TBL3: variants seen among roughly 807,000 people sequenced by gnomAD.
The protein encoded by TBL3 is transducin beta like 3.
Under a neutral mutation model 102.7 loss-of-function variants are expected in TBL3, and 71 were observed. The ratio of observed to expected loss-of-function variants is 0.69; its 90% CI spans 0.57 to 0.84. The LOEUF (loss-of-function observed/expected upper bound fraction) is 0.84, where lower values mean the gene tolerates loss of function less well. TBL3 is among the 40% of genes least tolerant of loss of function. The probability of loss-of-function intolerance (pLI) is 0.00; values close to 1 mark genes in which losing one functional copy is unlikely to be tolerated. For missense variants in TBL3, 1,188 were observed against 1,098.5 expected (o/e 1.08, Z -1.15); for synonymous variants, 578 against 477.7 (o/e 1.21, Z -2.74).
intron 16 of TBL3, 43 bp downstream of exon 16, chr16:1,977,469 G>C (rs370690725): frequency 1.2e-6 from 2 of 1,605,040 alleles, no homozygotes; most frequent in South Asian, 1.1e-5. Context: ...GGGGGGTGGC[G>C]GGGGGACCTG....
Position 1,974,036 on chromosome 16 carries a change from G to A in TBL3, c.42-20G>A, listed in dbSNP as rs376749119. 220 of 1,532,896 alleles carry A rather than the reference G, an allele frequency of 1.4e-4. No individual in the cohort carries two copies. Among genetic ancestry groups the A allele is most frequent in the Non-Finnish European group, 1.8e-4 (206 of 1,134,604 alleles). 95.0% of individuals were successfully genotyped at this position (1,532,896 alleles called of 1,614,324 possible). ...CTGAGGGGGTGGGTGGTGCTCATTCGCCTCCCGCTCTCCTTCCAGCTATGC... is the reference window on the plus strand; with the variant it reads ...CTGAGGGGGTGGGTGGTGCTCATTCACCTCCCGCTCTCCTTCCAGCTATGC... On this transcript the variant is annotated intron_variant, in intron 1 of 21. Transcript: ENST00000568546.
Position 1,977,947 on chromosome 16 carries a change from C to T in TBL3, c.1959-11C>T, listed in dbSNP as rs1237527990. The stretch of plus-strand genomic sequence containing the variant: ...AGCGGCCCTCAGTGGCCTCTCCTCC[C>T]CTCCCCACAGGCAGCAAGAGCTGGA... On this transcript the variant is annotated splice_polypyrimidine_tract_variant and intron_variant, in intron 18 of 21. Transcript: ENST00000568546. 5.7e-6 allele frequency: 9 copies of T among 1,592,210 alleles called. No individual in the cohort carries two copies. Among genetic ancestry groups the T allele is most frequent in the African/African-American group, 2.7e-5 (2 of 74,572 alleles).
chr16:1,980,563 C>G lies in TBL3; in HGVS notation c.*1878C>G, dbSNP rs745944090. Reference sequence around the variant, plus strand: ...GGTGCATCTTAAGGCACCACAAAAACGTACTGTGATACGCCGCTTTGGGCT... The same window carrying G: ...GGTGCATCTTAAGGCACCACAAAAAGGTACTGTGATACGCCGCTTTGGGCT... On this transcript the variant is annotated 3_prime_UTR_variant, in exon 22 of 22. Transcript: ENST00000568546. 4.1e-5 allele frequency: 66 copies of G among 1,598,336 alleles called. No individual in the cohort carries two copies. The highest frequency in any genetic ancestry group is 6.8e-5 in the Admixed American group (4 of 58,948).
intron 1 of TBL3, among the ~76,000 whole-genome samples, chr16:1,972,530 C>A (rs962204330): frequency 6.6e-6 from 1 of 152,120 alleles, no homozygotes; most frequent in South Asian, 2.1e-4. Context: ...TCCCGGGAGG[C>A]GGCGGGGGCG....
chr16:1,981,188 C>T lies in TBL3; in HGVS notation c.*2503C>T, dbSNP rs1450944959. The T allele has an allele frequency of 1.9e-6, 3 of 1,613,552 alleles. No homozygotes were observed. The African/African-American group carries it at 4.0e-5, about 21-fold the overall frequency. On this transcript the variant is annotated 3_prime_UTR_variant, in exon 22 of 22. Coordinates refer to ENST00000568546, the MANE Select transcript of TBL3 (RefSeq NM_006453.3). ...TATCGGGGGCCTGCCATGGCTGTGG[C>T]TTCCAGGCTGCAGATTCCTGAAATG...
At position 1,980,974 on chromosome 16, in the gene TBL3, C is replaced by A; in HGVS notation, c.*2289C>A. The A allele has an allele frequency of 3.7e-6, 6 of 1,613,206 alleles. No homozygotes were observed. The highest frequency in any genetic ancestry group is 4.2e-6 in the Non-Finnish European group (5 of 1,180,018). On this transcript the variant is annotated 3_prime_UTR_variant, in exon 22 of 22. Coordinates refer to ENST00000568546, the MANE Select transcript of TBL3 (RefSeq NM_006453.3). ...CTGAATTCGTCCCAACTCCTGCGCA[C>A]GAAGGTGTCGCTGCCGTCTGACCAG... is the stretch of plus-strand genomic sequence containing the variant.
Position 1,980,926 on chromosome 16 carries a change from C to G in TBL3, c.*2241C>G. The G allele has an allele frequency of 6.2e-7, 1 of 1,610,736 alleles. No individual in the cohort carries two copies. Among genetic ancestry groups the G allele is most frequent in the Non-Finnish European group, 8.5e-7 (1 of 1,178,544 alleles). ...CCGCCACCGCGGCATCAGGGTGGCC[C>G]AGGGTCACTCACCTTGAGCTGCCTG... On this transcript the variant is annotated 3_prime_UTR_variant, in exon 22 of 22. Transcript: ENST00000568546.
rs760829104 is a variant in TBL3 at position 1,974,891 on chromosome 16, C to A, written c.465-37C>A. The A allele has an allele frequency of 6.3e-5, 102 of 1,612,650 alleles. No individual in the cohort carries two copies. In the South Asian group the frequency reaches 1.0e-3, roughly 16 times the overall value. ...GGGGAGGGCAGAGGCACCACCCAGG[C>A]TGCACAGCTCACCCATCCTGTCCCG... is the stretch of plus-strand genomic sequence containing the variant. On this transcript the variant is annotated intron_variant, in intron 6 of 21. Coordinates refer to ENST00000568546, the MANE Select transcript of TBL3 (RefSeq NM_006453.3).
chr16:1,981,631 C>T lies in TBL3; in HGVS notation c.*2946C>T, dbSNP rs992654026. ...GTGAGGTAATTGCCCTGCCAGGGTG[C>T]GCCCAACAACTTTGAACTGGCCTGG... On this transcript the variant is annotated 3_prime_UTR_variant, in exon 22 of 22. Transcript: ENST00000568546. 2 of 183,012 alleles carry T rather than the reference C, an allele frequency of 1.1e-5. No individual in the cohort carries two copies. Among genetic ancestry groups the T allele is most frequent in the Non-Finnish European group, 2.3e-5 (2 of 86,588 alleles). 11.3% of individuals were successfully genotyped at this position (183,012 alleles called of 1,614,324 possible).
chr16:1,974,076 T>C lies in TBL3; in HGVS notation c.62T>C (p.Ile21Thr). The C allele has an allele frequency of 5.1e-6, 8 of 1,581,894 alleles. No individual in the cohort carries two copies. The highest frequency in any genetic ancestry group is 4.5e-5 in the South Asian group (4 of 88,502). Residue 21 changes from isoleucine (I) to threonine (T), a missense_variant, in exon 2 of 22, where the codon ATT becomes ACT. Coordinates refer to ENST00000568546, the MANE Select transcript of TBL3 (RefSeq NM_006453.3). Reference protein sequence around the residue: ...FKTNYAVERKIEPFYKGGKAQ... With the variant: ...FKTNYAVERKTEPFYKGGKAQ... Reference sequence around the variant, plus strand: ...TCCAGCTATGCTGTGGAGCGCAAAATTGAGCCTTTCTACAAGGGCGGAAAA... The same window carrying C: ...TCCAGCTATGCTGTGGAGCGCAAAACTGAGCCTTTCTACAAGGGCGGAAAA...
Position 1,979,726 on chromosome 16 carries a change from T to C in TBL3, c.*1041T>C, listed in dbSNP as rs2150888661. On this transcript the variant is annotated 3_prime_UTR_variant, in exon 22 of 22. Transcript: ENST00000568546. ...TGGCCCGCCCTGCCCGCGGTGCTTC[T>C]GGCCCAGTCTTGCCACACGGTCAAG... is the stretch of plus-strand genomic sequence containing the variant. The C allele has an allele frequency of 1.5e-6, 2 of 1,338,480 alleles. No homozygotes were observed. Among genetic ancestry groups the C allele is most frequent in the Middle Eastern group, 2.5e-4 (1 of 4,064 alleles). 82.9% of individuals were successfully genotyped at this position (1,338,480 alleles called of 1,614,324 possible).
At position 1,975,517 on chromosome 16, in the gene TBL3, C is replaced by T. The variant is rs776352348; in HGVS notation, c.806-12C>T. The T allele has an allele frequency of 1.3e-6, 2 of 1,598,122 alleles. No individual in the cohort carries two copies. Among genetic ancestry groups the T allele is most frequent in the South Asian group, 2.2e-5 (2 of 90,874 alleles). ...CCTGAGAGTCTCAGCAGCCCTGTCC[C>T]CACCCACACAGGCACTCTGCGCGTG... is the stretch of plus-strand genomic sequence containing the variant. On this transcript the variant is annotated splice_polypyrimidine_tract_variant and intron_variant, in intron 9 of 21. Transcript: ENST00000568546.
rs1312172663 is a variant in TBL3 at position 1,982,151 on chromosome 16, T to C, written c.*3466T>C. 4 of 152,184 alleles carry C rather than the reference T, an allele frequency of 2.6e-5. No homozygotes were observed. The highest frequency in any genetic ancestry group is 5.9e-5 in the Non-Finnish European group (4 of 68,044). 9.4% of individuals were successfully genotyped at this position (152,184 alleles called of 1,614,324 possible). A position where few individuals can be genotyped will look rare whatever the true frequency, so the allele number is the denominator to read the frequency against. On this transcript the variant is annotated 3_prime_UTR_variant, in exon 22 of 22. Coordinates refer to ENST00000568546, the MANE Select transcript of TBL3 (RefSeq NM_006453.3). ...CAGTTCTGTGTTGGGATGCACCTAC[T>C]CCAGCCCCTTCAGGGAGCAGTCAGC... is the stretch of plus-strand genomic sequence containing the variant.
At position 1,982,928 on chromosome 16, in the gene TBL3, A is replaced by C. The variant is rs1597061652; in HGVS notation, c.*4243A>C. 1 of 149,088 alleles carries C rather than the reference A, an allele frequency of 6.7e-6. No individual in the cohort carries two copies. Among genetic ancestry groups the C allele is most frequent in the Non-Finnish European group, 1.5e-5 (1 of 67,682 alleles). The allele number at this position is 149,088 out of a possible 1,614,324, so 9.2% of individuals were successfully genotyped here. A position where few individuals can be genotyped will look rare whatever the true frequency, so the allele number is the denominator to read the frequency against. ...ACAAGACCCTGTCTCAAAAAAAAAA[A>C]AGAAATCCACTCCCCATATGATAGC... On this transcript the variant is annotated 3_prime_UTR_variant, in exon 22 of 22. Transcript: ENST00000568546.
At position 1,975,465 on chromosome 16, in the gene TBL3, C is replaced by T. The variant is rs375491974; in HGVS notation, c.805+27C>T. ...TGTGTTGGGCCGGGACATGGGCAGGCGGTAGGGGCTGGGGAAGGCCTGTGG... is the reference window on the plus strand; with the variant it reads ...TGTGTTGGGCCGGGACATGGGCAGGTGGTAGGGGCTGGGGAAGGCCTGTGG... On this transcript the variant is annotated intron_variant, in intron 9 of 21. Coordinates refer to ENST00000568546, the MANE Select transcript of TBL3 (RefSeq NM_006453.3). 197 of 1,610,630 alleles carry T rather than the reference C, an allele frequency of 1.2e-4. 2 individuals carry two copies. In the African/African-American group the frequency reaches 2.0e-3, roughly 17 times the overall value.
chr16:1,972,233 G>T lies in TBL3; in HGVS notation c.41+28G>T, dbSNP rs1295200398. The stretch of plus-strand genomic sequence containing the variant: ...GAGCCCGGAGCTCTGGGGCCGTGCG[G>T]GGAGGGAGCTGGGTTTGCAGCCGGC... On this transcript the variant is annotated intron_variant, in intron 1 of 21. Transcript: ENST00000568546. 3 of 1,334,292 alleles carry T rather than the reference G, an allele frequency of 2.2e-6. No individual in the cohort carries two copies. The South Asian group carries it at 5.7e-5, about 26-fold the overall frequency. The allele number at this position is 1,334,292 out of a possible 1,614,324, so 82.7% of individuals were successfully genotyped here. A position where few individuals can be genotyped will look rare whatever the true frequency, so the allele number is the denominator to read the frequency against.
intron 13 of TBL3, among the ~76,000 whole-genome samples, chr16:1,976,568 G>A (rs1344987032): frequency 6.6e-6 from 1 of 152,224 alleles, no homozygotes; most frequent in African/African-American, 2.4e-5. Context: ...CGAGGCCCAG[G>A]TGGAGAGGTG....
In TBL3 at chr16:1,980,302, C is replaced by G. The variant is rs915941323; in HGVS notation, c.*1617C>G. ...GCCCCTATTCGCTGGCTGTTCCCCC[C>G]CACCCTGGACCTCTCCCAGCTCCAA... On this transcript the variant is annotated 3_prime_UTR_variant, in exon 22 of 22. Coordinates refer to ENST00000568546, the MANE Select transcript of TBL3 (RefSeq NM_006453.3). The G allele has an allele frequency of 8.4e-6, 13 of 1,539,232 alleles. No homozygotes were observed. Among genetic ancestry groups the G allele is most frequent in the Admixed American group, 7.4e-5 (4 of 53,806 alleles).
rs2083389256 is a variant in TBL3, at chr16:1,975,070, T to C, written c.607T>C (p.Phe203Leu). 1 of 1,609,480 alleles carries C rather than the reference T, an allele frequency of 6.2e-7. No individual in the cohort carries two copies. The highest frequency in any genetic ancestry group is 8.5e-7 in the Non-Finnish European group (1 of 1,179,978). Residue 203 changes from phenylalanine (F) to leucine (L), a missense_variant, in exon 7 of 22, where the codon TTC becomes CTC. Phe to Leu is a conservative substitution (Grantham distance 22). Coordinates refer to ENST00000568546, the MANE Select transcript of TBL3 (RefSeq NM_006453.3). ...CTACAGCGCCGTCACCTCACTGGCC[T>C]TCAGCGCCGACGGCCACACCATGCT... ...AHYSAVTSLAFSADGHTMLSS... is the reference protein window; with the variant it reads ...AHYSAVTSLALSADGHTMLSS...
Sources: gnomAD v4.1 joint callset for allele counts (sites outside exome capture counted in the v4.1 genomes callset) on GRCh38, gnomAD v4.1.1 for gene constraint, MANE v1.5 for transcripts, NCBI Gene and HGNC (gene_info 2026-07-23, HGNC 2026-07-21) for gene names.